The following VIRMA variants were observed in gnomAD, a reference collection of about 807,000 sequenced individuals.
VIRMA encodes the protein vir like m6A methyltransferase associated, also known as protein virilizer homolog.
A neutral mutation model predicts 182.4 loss-of-function variants in VIRMA; 65 were observed. That is an observed-to-expected ratio of 0.36 (90% CI 0.29 to 0.44). The LOEUF is 0.44. Ranked by LOEUF, VIRMA falls within the 20% of genes least tolerant of loss-of-function variation. VIRMA has a pLI of 1.00. For synonymous variants in VIRMA, 709 were observed against 743.1 expected (o/e 0.95, Z 0.75); for missense variants, 1,752 against 2,158.1 (o/e 0.81, Z 3.73).
intron 10 of VIRMA, among the ~76,000 whole-genome samples, chr8:94,515,869 G>A (rs944852321): frequency 1.3e-5 from 2 of 151,548 alleles, no homozygotes; most frequent in Non-Finnish European, 2.9e-5. Context: ...AGGCTGAGGC[G>A]GGTGGATCAC....
Position 94,553,424 on chromosome 8 carries a change from C to G in VIRMA, c.24G>C (p.Glu8Asp), listed in dbSNP as rs772742767. The stretch of plus-strand genomic sequence containing the variant: ...GTTTAAAAGTATCTAAAAATAACAG[C>G]TCCATCGCCGAGTCCACCGCCATGT... The part of the protein sequence containing the change: MAVDSAM[E>D]LLFLDTFKHP... Residue 8 changes from glutamate to aspartate, a missense_variant, in exon 1 of 24, where the codon GAG (glutamate) becomes GAC (aspartate). This residue lies in a region of VIRMA where 195 missense variants were observed against 191.7 expected (regional missense o/e 1.02). Coordinates refer to ENST00000297591, the MANE Select transcript of VIRMA (RefSeq NM_015496.5). The G allele has an allele frequency of 1.2e-6, 2 of 1,614,240 alleles. No homozygotes were observed. The highest frequency in any genetic ancestry group is 1.7e-6 in the Non-Finnish European group (2 of 1,180,048).
At chr8:94,516,011 G>C (rs1814550386) in intron 10 of VIRMA, among the ~76,000 whole-genome samples, 1 of 151,912 alleles carries the variant, frequency 6.6e-6, no homozygotes, top group South Asian at 2.1e-4. Context: ...GGGAGGCTGA[G>C]GCAGAAGAAT....
intron 9 of VIRMA, 62 bp downstream of exon 9, chr8:94,518,923 G>C: frequency 7.2e-7 from 1 of 1,392,756 alleles, no homozygotes; most frequent in Non-Finnish European, 9.7e-7. Context: ...TAAGAAACTA[G>C]ACCATTAGTT....
At position 94,534,989 on chromosome 8, in the gene VIRMA, C is replaced by G. The variant is rs915835377; in HGVS notation, c.334G>C (p.Val112Leu). 1 of 1,602,338 alleles carries G rather than the reference C, an allele frequency of 6.2e-7. No individual in the cohort carries two copies. The highest frequency in any genetic ancestry group is 2.2e-5 in the East Asian group (1 of 44,770). The change falls in exon 5 of 24, where the codon GTG becomes CTG. Residue 112 changes from valine (V) to leucine (L), a missense_variant. Val to Leu is a conservative substitution (Grantham distance 32, BLOSUM62 1). Transcript: ENST00000297591. ...AGACAGTTATACCAGCCTCTTAGCA[C>G]CAGACCATCAGTATTCACCTGATTT... is the stretch of plus-strand genomic sequence containing the variant. ...PNSKVNTDGLVLRGWYNCLTL... is the reference protein window; with the variant it reads ...PNSKVNTDGLLLRGWYNCLTL...
At chr8:94,543,730 T>C (rs996528725) in intron 2 of VIRMA, 97 bp downstream of exon 2, 12 of 702,658 alleles carry the variant, frequency 1.7e-5, no homozygotes, top group Non-Finnish European at 2.2e-5. Context: ...CAGGATTTTA[T>C]CACTTGTAAA....
In VIRMA at chr8:94,553,287, A is replaced by C. The variant is rs138879729; in HGVS notation, c.63+98T>G. On this transcript the variant is annotated intron_variant, in intron 1 of 23. Transcript: ENST00000297591. ...TCTGTGTGTAAGCGAGAAATTAAAG[A>C]AGCAATCTGCAGAAGGAAAAGTGGA... The C allele has an allele frequency of 3.3e-4, 395 of 1,204,392 alleles. 3 individuals carry two copies. In the Middle Eastern group the frequency reaches 6.5e-3, roughly 20 times the overall value. 74.6% of individuals were successfully genotyped at this position (1,204,392 alleles called of 1,614,324 possible). A position where few individuals can be genotyped will look rare whatever the true frequency, so the allele number is the denominator to read the frequency against.
intron 9 of VIRMA, 32 bp downstream of exon 9, chr8:94,518,953 A>G (rs1814656082): frequency 6.5e-7 from 1 of 1,531,760 alleles, no homozygotes; most frequent in Non-Finnish European, 8.8e-7. Flanking sequence ...TTCTAACATC[A>G]TAGAAAATTT....
rs139868894 is a variant in VIRMA at position 94,526,680 on chromosome 8, T to G, written c.1564A>C (p.Arg522=). ...SMTEGMEAFL[R]GRQNEKSGYQ... is the part of the protein sequence containing the mutation. ...CCACTTTTTTCATTCTGCCTACCTC[T>G]TAAAAAAGCTTCCATTCCTTCTGTC... Residue 522 remains arginine, a synonymous_variant, in exon 8 of 24, where the codon AGA becomes CGA. Coordinates refer to ENST00000297591, the MANE Select transcript of VIRMA (RefSeq NM_015496.5). 32 of 1,613,962 alleles carry G rather than the reference T, an allele frequency of 2.0e-5. No individual in the cohort carries two copies. The African/African-American group carries it at 4.3e-4, about 22-fold the overall frequency.
chr8:94,519,346 G>A lies in VIRMA; in HGVS notation c.2152C>T (p.Leu718Phe). The A allele has an allele frequency of 6.2e-7, 1 of 1,607,740 alleles. No individual in the cohort carries two copies. Residue 718 changes from leucine (L) to phenylalanine (F), a missense_variant, in exon 9 of 24, where the codon CTT becomes TTT. By Grantham distance (22) the Leu-to-Phe change is conservative. Coordinates refer to ENST00000297591, the MANE Select transcript of VIRMA (RefSeq NM_015496.5). ...TCATATTCCGACATAAAAAAAAGAA[G>A]ACCCTTCTGTGACTGTGCAAGAAAC... ...LKFLAQSQKGLLFFMSEYEAT... is the reference protein window; with the variant it reads ...LKFLAQSQKGFLFFMSEYEAT...
intron 1 of VIRMA, 120 bp from the exon 2 acceptor site, chr8:94,544,062 T>C: frequency 1.7e-6 from 1 of 593,424 alleles, no homozygotes; most frequent in Non-Finnish European, 3.0e-6. Flanking sequence ...TATCATTAAA[T>C]ATCATTAAAT....
intron 15 of VIRMA, among the ~76,000 whole-genome samples, chr8:94,508,529 T>C (rs1374107980): frequency 1.3e-5 from 2 of 152,162 alleles, no homozygotes; most frequent in Non-Finnish European, 2.9e-5. Flanking sequence ...AGTGAGGCCA[T>C]CAATGAGATT....
chr8:94,492,636 G>C lies in VIRMA; in HGVS notation c.4808+16C>G. ...TATGTGATGACATTTGAGATCTTCA[G>C]TGGAATAAATTTTACCTTGACGTTA... On this transcript the variant is annotated intron_variant, in intron 21 of 23. Coordinates refer to ENST00000297591, the MANE Select transcript of VIRMA (RefSeq NM_015496.5). 6.2e-7 allele frequency: 1 copy of C among 1,603,048 alleles called. No individual in the cohort carries two copies. The highest frequency in any genetic ancestry group is 8.5e-7 in the Non-Finnish European group (1 of 1,171,114).
At chr8:94,529,799 C>T (rs1251346679) in intron 6 of VIRMA, among the ~76,000 whole-genome samples, 1 of 152,024 alleles carries the variant, frequency 6.6e-6, no homozygotes, top group Non-Finnish European at 1.5e-5. Context: ...AACACCACAC[C>T]CGGCTAATTT....
At chr8:94,522,702 A>C (rs1367316326) in intron 8 of VIRMA, among the ~76,000 whole-genome samples, 1 of 152,158 alleles carries the variant, frequency 6.6e-6, no homozygotes, top group East Asian at 1.9e-4. Flanking sequence ...CTCTGTCACT[A>C]TAAGCACAAT....
Position 94,527,086 on chromosome 8 carries a change from T to C in VIRMA, c.1158A>G (p.Thr386=). The change falls in exon 8 of 24, where the codon ACA becomes ACG. Residue 386 remains threonine (T), a synonymous_variant. Coordinates refer to ENST00000297591, the MANE Select transcript of VIRMA (RefSeq NM_015496.5). ...CTTCTCTATACAAATCTAAGAGTTCTGTTAACTTCACTGAGGCTTCGATTG... is the reference window on the plus strand; with the variant it reads ...CTTCTCTATACAAATCTAAGAGTTCCGTTAACTTCACTGAGGCTTCGATTG... The part of the protein sequence containing the change: ...SGAIEASVKL[T]ELLDLYREDR... 1 of 1,614,236 alleles carries C rather than the reference T, an allele frequency of 6.2e-7. No homozygotes were observed. The highest frequency in any genetic ancestry group is 1.1e-5 in the South Asian group (1 of 91,090).
intron 1 of VIRMA, among the ~76,000 whole-genome samples, chr8:94,544,532 G>A (rs1438711998): frequency 1.3e-5 from 2 of 151,784 alleles, no homozygotes; most frequent in Admixed American, 6.6e-5. Flanking sequence ...GCAGTGGCGG[G>A]CACCTGTAGT....
rs760806025 is a variant in VIRMA at position 94,553,375 on chromosome 8, C to T, written c.63+10G>A. The T allele has an allele frequency of 6.2e-7, 1 of 1,613,864 alleles. No individual in the cohort carries two copies. The highest frequency in any genetic ancestry group is 8.5e-7 in the Non-Finnish European group (1 of 1,179,744). On this transcript the variant is annotated intron_variant, in intron 1 of 23. Coordinates refer to ENST00000297591, the MANE Select transcript of VIRMA (RefSeq NM_015496.5). ...AGAAGCAGCGTCAGAATCAAGTCGC[C>T]AAGCCTTACCTCAGCGCTCGGGTGT...
Position 94,488,208 on chromosome 8 carries a change from A to C in VIRMA, c.*498T>G, listed in dbSNP as rs1279602270. 2.0e-5 allele frequency: 3 copies of C among 152,702 alleles called. No homozygotes were observed. The highest frequency in any genetic ancestry group is 1.3e-4 in the Admixed American group (2 of 15,364). The allele number at this position is 152,702 out of a possible 1,614,324, so 9.5% of individuals were successfully genotyped here. A position where few individuals can be genotyped will look rare whatever the true frequency, so the allele number is the denominator to read the frequency against. On this transcript the variant is annotated 3_prime_UTR_variant, in exon 24 of 24. Transcript: ENST00000297591. ...AGTTTGATAAAAAGTACTGTGCAAGAAGCAGAGAGGAAAAGAAAATGATAC... is the reference window on the plus strand; with the variant it reads ...AGTTTGATAAAAAGTACTGTGCAAGCAGCAGAGAGGAAAAGAAAATGATAC...
chr8:94,513,652 T>C (rs1482741023), intron 11 of VIRMA, among the ~76,000 whole-genome samples: 13 of 152,138 alleles, frequency 8.5e-5, no homozygotes, highest in Admixed American at 7.9e-4. Flanking sequence ...CAGCATGTAA[T>C]TCACATTTCT....
Sources: allele counts gnomAD v4.1 joint callset (sites outside exome capture counted in the v4.1 genomes callset), GRCh38; gene constraint gnomAD v4.1.1; regional missense constraint gnomAD v4.1.1; transcripts MANE v1.5; gene names NCBI Gene and HGNC (gene_info 2026-07-23, HGNC 2026-07-21).